The following TMPRSS5 variants were observed in gnomAD, a reference collection of about 807,000 sequenced individuals.
TMPRSS5 encodes the protein transmembrane protease serine 5.
Under a neutral mutation model 59.7 loss-of-function variants are expected in TMPRSS5, and 45 were observed. The observed-to-expected ratio is 0.75, with a 90% CI of 0.59 to 0.97. TMPRSS5 has a LOEUF of 0.97. Among genes scored for constraint, TMPRSS5 ranks in the 50% least tolerant of loss-of-function variants. The probability of loss-of-function intolerance (pLI) is 0.00; values close to 1 mark genes in which losing one functional copy is unlikely to be tolerated. For missense variants in TMPRSS5, 585 were observed against 596.7 expected (o/e 0.98, Z 0.20); for synonymous variants, 225 against 232.0 (o/e 0.97, Z 0.27).
At chr11:113,703,419 C>T (rs764764331) in intron 1 of TMPRSS5, among the ~76,000 whole-genome samples, 2 of 152,172 alleles carry the variant, frequency 1.3e-5, no homozygotes, top group African/African-American at 2.4e-5. Flanking sequence ...TTTACAGGCT[C>T]ATAGGCAGAA....
intron 12 of TMPRSS5, among the ~76,000 whole-genome samples, chr11:113,688,769 G>A (rs1436644484): frequency 1.3e-5 from 2 of 152,154 alleles, no homozygotes; most frequent in Middle Eastern, 3.4e-3. Flanking sequence ...CACCATGTTG[G>A]TCAGGCTGGT....
intron 1 of TMPRSS5, among the ~76,000 whole-genome samples, chr11:113,703,484 G>A (rs957545471): frequency 1.3e-5 from 2 of 152,132 alleles, no homozygotes; most frequent in African/African-American, 2.4e-5. Flanking sequence ...GGTTAATGCT[G>A]GAACGAGTTA....
chr11:113,695,267 G>T, intron 7 of TMPRSS5, 133 bp downstream of exon 7: 1 of 890,626 alleles, frequency 1.1e-6, no homozygotes, highest in Non-Finnish European at 1.8e-6. Context: ...GGGCCTGGCA[G>T]GCAGATGGGC....
intron 3 of TMPRSS5, among the ~76,000 whole-genome samples, 184 bp from the exon 4 acceptor site, chr11:113,699,211 GTCTCTCTCTCTCTCTCTCTCTCTCTC>G (rs1221479693): frequency 1.6e-5 from 1 of 62,954 alleles, no homozygotes; most frequent in Non-Finnish European, 3.5e-5. Context: ...TTGTCTGTCT[GTCTCTCTCTCTCTCTCTCTCTCTCTC>G]TCTCTCTCTC....
intron 1 of TMPRSS5, among the ~76,000 whole-genome samples, chr11:113,704,490 C>T (rs1419675674): frequency 3.3e-5 from 5 of 152,174 alleles, no homozygotes; most frequent in South Asian, 2.1e-4. Flanking sequence ...TCCATGGCAT[C>T]GCTCACAAAG....
In TMPRSS5 at chr11:113,696,893, T is replaced by C; in HGVS notation, c.543A>G (p.Arg181=). 6.4e-7 allele frequency: 1 copy of C among 1,574,142 alleles called. No individual in the cohort carries two copies. The highest frequency in any genetic ancestry group is 1.2e-5 in the South Asian group (1 of 85,326). Residue 181 remains arginine, a synonymous_variant, in exon 6 of 13, where the codon AGA becomes AGG. Transcript: ENST00000299882. ...ACGCCTCCTCCAGGAAGCCTCCCAG[T>C]CTAGGAGAGAGCTGAGCAAACTCCT... is the stretch of plus-strand genomic sequence containing the variant. ...SSQEFAQLSP[R]LGGFLEEAWQ... is the part of the protein sequence containing the mutation.
chr11:113,694,667 A>AAG (rs755226390), intron 7 of TMPRSS5, 27 bp from the exon 8 acceptor site: 21 of 1,521,406 alleles, frequency 1.4e-5, no homozygotes, highest in Non-Finnish European at 1.7e-5. Flanking sequence ...GTGAGATAGA[A>AAG]AGAGAGAGAG....
At chr11:113,704,759 G>A (rs1387082071) in intron 1 of TMPRSS5, among the ~76,000 whole-genome samples, 1 of 151,372 alleles carries the variant, frequency 6.6e-6, no homozygotes, top group African/African-American at 2.4e-5. Context: ...CCTATATTGT[G>A]CTCATTTACT....
chr11:113,691,892 C>CTTTTTTTTTTTTTTTTTTTTTTTT lies in TMPRSS5; in HGVS notation c.965-954_965-953insAAAAAAAAAAAAAAAAAAAAAAAA, dbSNP rs58784708. 1.1e-3 allele frequency among the ~76,000 whole-genome samples: 131 copies of CTTTTTTTTTTTTTTTTTTTTTTTT among 121,096 alleles called. 3 individuals are homozygous for CTTTTTTTTTTTTTTTTTTTTTTTT. Among genetic ancestry groups the CTTTTTTTTTTTTTTTTTTTTTTTT allele is most frequent in the African/African-American group, 3.0e-3 (82 of 27,448 alleles). 79.4% of individuals were successfully genotyped at this position (121,096 alleles called of 152,430 possible). On this transcript the variant is annotated intron_variant, in intron 9 of 12. Coordinates refer to ENST00000299882, the MANE Select transcript of TMPRSS5 (RefSeq NM_030770.4). ...AGAAAGTTTTCTTTTCCTTTTTTTT[C>CTTTTTTTTTTTTTTTTTTTTTTTT]TTTTTTTTTTTTTGAGACGGAGTCT... is the stretch of plus-strand genomic sequence containing the variant.
chr11:113,690,180 T>TCC, intron 11 of TMPRSS5, 51 bp downstream of exon 11: 1 of 187,992 alleles, frequency 5.3e-6, no homozygotes. Context: ...CCCCCTGCCC[T>TCC]CCCACCCCCA....
intron 12 of TMPRSS5, among the ~76,000 whole-genome samples, chr11:113,688,843 G>T (rs1952676727): frequency 6.6e-6 from 1 of 152,112 alleles, no homozygotes; most frequent in South Asian, 2.1e-4. Flanking sequence ...TTACAGGCGT[G>T]AGCCACCCCA....
intron 2 of TMPRSS5, 37 bp from the exon 3 acceptor site, chr11:113,699,730 C>A: frequency 6.5e-7 from 1 of 1,541,524 alleles, no homozygotes; most frequent in Non-Finnish European, 8.8e-7. Context: ...GGGTCCCCTG[C>A]TCCTGCCAGC....
chr11:113,692,500 G>C (rs975960659), intron 9 of TMPRSS5, among the ~76,000 whole-genome samples: 2 of 152,142 alleles, frequency 1.3e-5, no homozygotes, highest in Admixed American at 1.3e-4. Context: ...GTGTGTGTCG[G>C]GGAGAGTGGC....
At chr11:113,690,176 G>GGGCCCCCCCCCCCCCCCCCCCC in intron 11 of TMPRSS5, 55 bp downstream of exon 11, 2 of 388,230 alleles carry the variant, frequency 5.2e-6, no homozygotes, top group Non-Finnish European at 4.2e-6. Context: ...CAGGCCCCCT[G>GGGCCCCCCCCCCCCCCCCCCCC]CCCTCCCACC....
rs180841444 is a variant in TMPRSS5, at chr11:113,690,884, C to A, written c.1020G>T (p.Ser340=). ...GGCCCCAGCCAGACACCCAGCACCG[C>A]GAGCCCTTCGGAAAATGCTGTTCCT... The part of the protein sequence containing the change: ...PAKEQHFPKG[S]RCWVSGWGHT... The change falls in exon 10 of 13, where the codon TCG becomes TCT. Residue 340 remains serine (S), a synonymous_variant. Coordinates refer to ENST00000299882, the MANE Select transcript of TMPRSS5 (RefSeq NM_030770.4). 1.2e-4 allele frequency: 191 copies of A among 1,597,308 alleles called. 1 individual carries two copies. In the East Asian group the frequency reaches 3.2e-3, roughly 27 times the overall value.
rs1405149610 is a variant in TMPRSS5, at chr11:113,689,829, G to C, written c.1295C>G (p.Pro432Arg). 1.2e-6 allele frequency: 2 copies of C among 1,601,780 alleles called. No individual in the cohort carries two copies. Among genetic ancestry groups the C allele is most frequent in the Non-Finnish European group, 1.7e-6 (2 of 1,174,412 alleles). ...VVSWGRGCAE[P>R]NHPGVYAKVA... ...CTTGGCGTAGACACCTGGGTGATTG[G>C]GCTCTGCGCAGCCACGCCCCCAGCT... Residue 432 changes from proline (P) to arginine (R), a missense_variant, in exon 12 of 13, where the codon CCC becomes CGC. Physicochemically the swap from Pro to Arg is moderately radical, Grantham distance 103. Transcript: ENST00000299882.
At chr11:113,699,716 A>G in intron 2 of TMPRSS5, 23 bp from the exon 3 acceptor site, 1 of 1,551,946 alleles carries the variant, frequency 6.4e-7, no homozygotes, top group Non-Finnish European at 8.7e-7. Context: ...GCAGAGGGGT[A>G]TCTGGGTCCC....
chr11:113,691,139 G>C (rs1376241114), intron 9 of TMPRSS5, 200 bp from the exon 10 acceptor site: 2 of 582,958 alleles, frequency 3.4e-6, no homozygotes, highest in African/African-American at 3.8e-5. Flanking sequence ...CTGTCACAGA[G>C]GACAGCATGC....
intron 12 of TMPRSS5, among the ~76,000 whole-genome samples, chr11:113,689,379 A>G (rs1482434623): frequency 1.3e-5 from 2 of 152,114 alleles, no homozygotes; most frequent in Admixed American, 6.5e-5. Flanking sequence ...AAAACACTGC[A>G]GATCACTCAC....
Sources: allele counts gnomAD v4.1 joint callset (sites outside exome capture counted in the v4.1 genomes callset), GRCh38; gene constraint gnomAD v4.1.1; transcripts MANE v1.5; gene names NCBI Gene and HGNC (gene_info 2026-07-23, HGNC 2026-07-21).